The following MIS18A variants were observed in gnomAD, a reference collection of about 807,000 sequenced individuals.
The protein encoded by MIS18A is MIS18 kinetochore protein A, also known as protein Mis18-alpha.
MIS18A carries 14 observed loss-of-function variants against 25.0 expected under a neutral mutation model. That is an observed-to-expected ratio of 0.56 (90% confidence interval 0.37 to 0.88). MIS18A has a LOEUF of 0.88. MIS18A is among the 40% of genes least tolerant of loss of function. The pLI, the probability that MIS18A is intolerant of heterozygous loss-of-function variation, is 0.00. For missense variants in MIS18A, 292 were observed against 290.8 expected (o/e 1.00, Z -0.03); for synonymous variants, 134 against 118.6 (o/e 1.13, Z -0.84).
chr21:32,239,139 C>A, the MIS18A span, among the ~76,000 whole-genome samples: 1 of 152,304 alleles, frequency 6.6e-6, no homozygotes, highest in East Asian at 1.9e-4. Context: ...TCTTAACATA[C>A]AAATGCCATG....
chr21:32,262,160 C>T, the MIS18A span, among the ~76,000 whole-genome samples: 1 of 152,206 alleles, frequency 6.6e-6, no homozygotes, highest in Non-Finnish European at 1.5e-5. Flanking sequence ...TATGATGCTT[C>T]CTACGGAAGA....
intron 1 of MIS18A, among the ~76,000 whole-genome samples, chr21:32,277,218 T>C (rs2031830276): frequency 6.6e-6 from 1 of 152,238 alleles, no homozygotes; most frequent in Admixed American, 6.5e-5. Context: ...ACTACTATTT[T>C]AGAACTATGT....
At chr21:32,204,875 A>G in the MIS18A span, among the ~76,000 whole-genome samples, 1 of 152,212 alleles carries the variant, frequency 6.6e-6, no homozygotes, top group Admixed American at 6.5e-5. Context: ...CGACAGAGCA[A>G]GACTCTGGCT....
the MIS18A span, among the ~76,000 whole-genome samples, chr21:32,235,395 T>C: frequency 2.6e-5 from 4 of 152,138 alleles, no homozygotes; most frequent in African/African-American, 9.7e-5. Flanking sequence ...CATCCCTACA[T>C]AGCTCCTTCC....
At chr21:32,189,436 A>T in the MIS18A span, among the ~76,000 whole-genome samples, 1 of 151,944 alleles carries the variant, frequency 6.6e-6, no homozygotes, top group African/African-American at 2.4e-5. Context: ...GCACCACCAC[A>T]CCTGGTAAAT....
chr21:32,226,227 A>G, the MIS18A span, among the ~76,000 whole-genome samples: 7 of 146,984 alleles, frequency 4.8e-5, no homozygotes, highest in Non-Finnish European at 8.9e-5. Flanking sequence ...ACATGTATAC[A>G]TATGTAACTA....
At chr21:32,229,970 C>T in the MIS18A span, among the ~76,000 whole-genome samples, 4 of 152,116 alleles carry the variant, frequency 2.6e-5, no homozygotes, top group Admixed American at 2.6e-4. Context: ...TACAACTAGC[C>T]AATAATGTAA....
chr21:32,259,599 C>G, the MIS18A span, among the ~76,000 whole-genome samples: 1,455 of 152,290 alleles, frequency 9.6e-3, 28 homozygotes, highest in African/African-American at 0.033. Context: ...TTCTTGATCA[C>G]TGAAAGCAGC....
chr21:32,224,000 C>A, the MIS18A span, among the ~76,000 whole-genome samples: 1 of 152,202 alleles, frequency 6.6e-6, no homozygotes, highest in Non-Finnish European at 1.5e-5. Context: ...TGTAATCCAT[C>A]ACATAAACAG....
the MIS18A span, among the ~76,000 whole-genome samples, chr21:32,177,673 A>G: frequency 2.6e-5 from 4 of 152,234 alleles, no homozygotes; most frequent in Non-Finnish European, 4.4e-5. Flanking sequence ...TAAAAACAGC[A>G]TTTACAATAG....
At chr21:32,243,971 AAAG>A in the MIS18A span, among the ~76,000 whole-genome samples, 28 of 152,304 alleles carry the variant, frequency 1.8e-4, no homozygotes, top group East Asian at 2.3e-3. Flanking sequence ...TAAAAATAAA[AAAG>A]AAGAAGAAGT....
At chr21:32,168,129 TGAG>T in the MIS18A span, among the ~76,000 whole-genome samples, 1 of 152,212 alleles carries the variant, frequency 6.6e-6, no homozygotes, top group East Asian at 1.9e-4. Context: ...CTCTACCACA[TGAG>T]GAGACAGCAA....
At chr21:32,244,052 C>T in the MIS18A span, among the ~76,000 whole-genome samples, 1 of 152,150 alleles carries the variant, frequency 6.6e-6, no homozygotes, top group South Asian at 2.1e-4. Flanking sequence ...TGTAATACAT[C>T]CATACAATGG....
the MIS18A span, among the ~76,000 whole-genome samples, chr21:32,235,133 G>C: frequency 6.6e-6 from 1 of 152,114 alleles, no homozygotes; most frequent in African/African-American, 2.4e-5. Flanking sequence ...TTGCTCCCAG[G>C]TCCCTTTTAT....
chr21:32,254,728 CGTCT>C, the MIS18A span, among the ~76,000 whole-genome samples: 1 of 152,012 alleles, frequency 6.6e-6, no homozygotes, highest in Non-Finnish European at 1.5e-5. Flanking sequence ...ACCTAGAATC[CGTCT>C]CCTCTTTTAT....
chr21:32,214,656 A>G, the MIS18A span, among the ~76,000 whole-genome samples: 1 of 152,212 alleles, frequency 6.6e-6, no homozygotes, highest in African/African-American at 2.4e-5. Flanking sequence ...ACCATATTTC[A>G]AAATAAACCC....
At chr21:32,159,893 G>A in the MIS18A span, among the ~76,000 whole-genome samples, 1 of 152,206 alleles carries the variant, frequency 6.6e-6, no homozygotes, top group East Asian at 1.9e-4. Flanking sequence ...AAGCTCTTAG[G>A]TAGCAGACTT....
chr21:32,230,577 C>A, the MIS18A span, among the ~76,000 whole-genome samples: 2 of 152,250 alleles, frequency 1.3e-5, no homozygotes, highest in East Asian at 1.9e-4. Flanking sequence ...TGTGTTCCTA[C>A]CTGCCCGTAT....
At chr21:32,228,278 G>A in the MIS18A span, among the ~76,000 whole-genome samples, 3 of 152,090 alleles carry the variant, frequency 2.0e-5, no homozygotes, top group Non-Finnish European at 2.9e-5. Flanking sequence ...TAGTTGAGAC[G>A]GGGTTTCACT....
Sources: gnomAD v4.1 joint callset for allele counts (sites outside exome capture counted in the v4.1 genomes callset) on GRCh38, gnomAD v4.1.1 for gene constraint, MANE v1.5 for transcripts, NCBI Gene and HGNC (gene_info 2026-07-23, HGNC 2026-07-21) for gene names.